EYS: variants seen among roughly 807,000 people sequenced by gnomAD.
EYS encodes EGF-like photoreceptor maintenance factor, also known as protein eyes shut homolog.
A neutral mutation model predicts 282.1 loss-of-function variants in EYS; 250 were observed. That is an observed-to-expected ratio of 0.89 (90% CI 0.80 to 0.98). EYS has a LOEUF of 0.98. EYS is among the 50% of genes least tolerant of loss of function. EYS has a pLI of 0.00. For synonymous variants in EYS, 1,355 were observed against 1,282.9 expected (o/e 1.06, Z -1.20); for missense variants, 4,016 against 3,709.0 (o/e 1.08, Z -2.15).
At chr6:65,532,766 T>C (rs1434324855) in intron 2 of EYS, among the ~76,000 whole-genome samples, 1 of 152,112 alleles carries the variant, frequency 6.6e-6, no homozygotes, top group East Asian at 1.9e-4. Flanking sequence ...CTAAAAAGCT[T>C]TAGAGTAAAC....
intron 2 of EYS, among the ~76,000 whole-genome samples, chr6:65,517,291 A>T (rs1767172526): frequency 6.6e-6 from 1 of 151,742 alleles, no homozygotes; most frequent in Admixed American, 6.6e-5. Flanking sequence ...AAATAAAAAT[A>T]ATTGTCTGTA....
chr6:65,583,031 G>T (rs1331836929), intron 2 of EYS, among the ~76,000 whole-genome samples: 1 of 151,826 alleles, frequency 6.6e-6, no homozygotes, highest in Admixed American at 6.6e-5. Flanking sequence ...TTGTAATATT[G>T]ATCCCTATAA....
intron 22 of EYS, among the ~76,000 whole-genome samples, chr6:64,719,137 G>A (rs951296919): frequency 2.0e-5 from 3 of 152,088 alleles, no homozygotes; most frequent in Non-Finnish European, 2.9e-5. Context: ...GAGTCTTTAC[G>A]GACAGGCTCC....
At chr6:64,404,172 CACA>C (rs1250396739) in intron 28 of EYS, among the ~76,000 whole-genome samples, 2 of 151,942 alleles carry the variant, frequency 1.3e-5, no homozygotes, top group Non-Finnish European at 2.9e-5. Context: ...GTTGCATATC[CACA>C]ACAACTCATA....
intron 13 of EYS, among the ~76,000 whole-genome samples, chr6:65,056,404 G>A (rs1425290035): frequency 6.6e-6 from 1 of 151,848 alleles, no homozygotes; most frequent in African/African-American, 2.4e-5. Context: ...ACCAGCCTGG[G>A]CAACACAGTG....
At chr6:63,897,312 C>T (rs1005003290) in intron 35 of EYS, among the ~76,000 whole-genome samples, 2 of 152,126 alleles carry the variant, frequency 1.3e-5, no homozygotes, top group Admixed American at 6.5e-5. Flanking sequence ...AATGTTTTAT[C>T]TGTGTTTGCA....
chr6:64,324,171 C>T (rs562108793), intron 29 of EYS, among the ~76,000 whole-genome samples: 1 of 152,064 alleles, frequency 6.6e-6, no homozygotes, highest in Non-Finnish European at 1.5e-5. Flanking sequence ...CTGGCAAAGA[C>T]ACGACAAAGA....
At chr6:63,845,635 T>A (rs1228542956) in intron 36 of EYS, among the ~76,000 whole-genome samples, 1 of 152,196 alleles carries the variant, frequency 6.6e-6, no homozygotes, top group Non-Finnish European at 1.5e-5. Flanking sequence ...TCTAAGTTTG[T>A]TCTTAAAGAA....
chr6:63,753,869 C>A (rs1363742770), intron 41 of EYS, among the ~76,000 whole-genome samples: 3 of 152,114 alleles, frequency 2.0e-5, no homozygotes, highest in South Asian at 2.1e-4. Flanking sequence ...CCCTTCCATT[C>A]CTCCTCATGC....
At chr6:64,696,519 A>G (rs2149919768) in intron 22 of EYS, among the ~76,000 whole-genome samples, 1 of 152,238 alleles carries the variant, frequency 6.6e-6, no homozygotes, top group Middle Eastern at 3.4e-3. Context: ...AGCAAAGTAT[A>G]TTGCAAGAAG....
At chr6:65,270,662 ACTT>A (rs906993145) in intron 12 of EYS, among the ~76,000 whole-genome samples, 18 of 152,262 alleles carry the variant, frequency 1.2e-4, no homozygotes, top group African/African-American at 4.1e-4. Flanking sequence ...AGAAGCAAGC[ACTT>A]CTTCAACATT....
intron 22 of EYS, among the ~76,000 whole-genome samples, chr6:64,744,538 T>A (rs1485014887): frequency 6.6e-6 from 1 of 152,194 alleles, no homozygotes; most frequent in African/African-American, 2.4e-5. Flanking sequence ...TATCAGAATT[T>A]ACGGAAGTAG....
At chr6:65,466,990 G>T (rs981006434) in intron 5 of EYS, among the ~76,000 whole-genome samples, 1 of 152,152 alleles carries the variant, frequency 6.6e-6, no homozygotes, top group African/African-American at 2.4e-5. Flanking sequence ...GTTATACAAA[G>T]TAGGCAGGCT....
chr6:64,568,809 C>A (rs1479604361), intron 26 of EYS, among the ~76,000 whole-genome samples: 3 of 152,074 alleles, frequency 2.0e-5, no homozygotes, highest in Non-Finnish European at 4.4e-5. Flanking sequence ...TGTTGTTCTG[C>A]AGCCTCCGCT....
chr6:64,894,061 G>A (rs1767375624), intron 18 of EYS, among the ~76,000 whole-genome samples: 1 of 151,896 alleles, frequency 6.6e-6, no homozygotes, highest in Middle Eastern at 3.2e-3. Flanking sequence ...ATTATTCTGA[G>A]ACTTATTTTT....
intron 12 of EYS, among the ~76,000 whole-genome samples, chr6:65,258,198 G>C (rs966040771): frequency 1.3e-5 from 2 of 151,880 alleles, no homozygotes; most frequent in African/African-American, 4.8e-5. Flanking sequence ...TATTAACATG[G>C]ATATCATTTT....
intron 1 of EYS, among the ~76,000 whole-genome samples, chr6:65,671,622 C>A (rs1387219863): frequency 6.6e-6 from 1 of 152,052 alleles, no homozygotes; most frequent in Non-Finnish European, 1.5e-5. Context: ...GAAAGGGACA[C>A]CAACTCAACA....
intron 19 of EYS, among the ~76,000 whole-genome samples, chr6:64,835,620 AT>A (rs1765358870): frequency 1.3e-5 from 2 of 151,646 alleles, no homozygotes; most frequent in African/African-American, 4.8e-5. Context: ...TTGTGTCCTT[AT>A]TTTACATAGC....
At chr6:63,763,313 G>T (rs1156347482) in intron 40 of EYS, among the ~76,000 whole-genome samples, 1 of 151,992 alleles carries the variant, frequency 6.6e-6, no homozygotes, top group Non-Finnish European at 1.5e-5. Context: ...ATTGGGAGGA[G>T]CCCAGCAGAA....
Sources: gnomAD v4.1 joint callset for allele counts (sites outside exome capture counted in the v4.1 genomes callset) on GRCh38, gnomAD v4.1.1 for gene constraint, MANE v1.5 for transcripts, NCBI Gene and HGNC (gene_info 2026-07-23, HGNC 2026-07-21) for gene names.